The following PM20D2 variants were observed in gnomAD, a reference collection of about 807,000 sequenced individuals.
PM20D2 encodes peptidase M20 domain containing 2.
PM20D2 carries 33 observed loss-of-function variants against 42.9 expected under a neutral mutation model. That is an observed-to-expected ratio of 0.77 (90% CI 0.58 to 1.03). The LOEUF (loss-of-function observed/expected upper bound fraction) is 1.03. Among genes scored for constraint, PM20D2 ranks in the 50% least tolerant of loss-of-function variants. PM20D2 has a pLI of 0.00. For missense variants in PM20D2, 548 were observed against 557.0 expected, an observed-to-expected ratio of 0.98 and a Z score of 0.16; for synonymous variants, 250 against 228.2, an observed-to-expected ratio of 1.10 and a Z score of -0.86.
At chr6:89,149,973 T>C (rs1310582640) in intron 2 of PM20D2, among the ~76,000 whole-genome samples, 1 of 152,226 alleles carries the variant, frequency 6.6e-6, no homozygotes, top group African/African-American at 2.4e-5. Flanking sequence ...CACTTTTTAG[T>C]ACCTAGGAGC....
chr6:89,146,012 T>C, upstream of PM20D2: 1 of 728,758 alleles, frequency 1.4e-6, no homozygotes, highest in South Asian at 4.8e-5. Flanking sequence ...CTGGGGGTGG[T>C]GCCCTGGGAG....
chr6:89,119,728 C>A, the PM20D2 span, among the ~76,000 whole-genome samples: 1 of 152,166 alleles, frequency 6.6e-6, no homozygotes, highest in East Asian at 1.9e-4. Context: ...CTTTGGTGGC[C>A]CCACACATGT....
the PM20D2 span, among the ~76,000 whole-genome samples, chr6:89,121,789 C>T: frequency 6.6e-6 from 1 of 152,128 alleles, no homozygotes; most frequent in Admixed American, 6.6e-5. Flanking sequence ...GTAACTGTTG[C>T]TTCCATTACT....
chr6:89,111,975 T>C, the PM20D2 span, among the ~76,000 whole-genome samples: 34 of 152,362 alleles, frequency 2.2e-4, no homozygotes, highest in African/African-American at 7.9e-4. Flanking sequence ...AGCTACATCT[T>C]GTTTCACCAG....
At chr6:89,101,949 T>A in the PM20D2 span, among the ~76,000 whole-genome samples, 1 of 151,724 alleles carries the variant, frequency 6.6e-6, no homozygotes, top group Non-Finnish European at 1.5e-5. Context: ...TATCAGCAGA[T>A]GTGTACTATA....
chr6:89,162,025 C>A, intron 6 of PM20D2, 84 bp from the exon 7 acceptor site: 2 of 1,524,408 alleles, frequency 1.3e-6, no homozygotes, highest in South Asian at 1.2e-5. Context: ...AGTTGGAGAG[C>A]CAGTTGAGAT....
At chr6:89,117,797 C>T in the PM20D2 span, 1 of 1,542,762 alleles carries the variant, frequency 6.5e-7, no homozygotes, top group Non-Finnish European at 8.7e-7. Flanking sequence ...CCTCCGCGCC[C>T]CCAACCTGCA....
At chr6:89,125,153 A>C in the PM20D2 span, among the ~76,000 whole-genome samples, 1 of 152,268 alleles carries the variant, frequency 6.6e-6, no homozygotes, top group South Asian at 2.1e-4. Flanking sequence ...AGATCAGTTA[A>C]AAGGGTCTTG....
chr6:89,150,448 C>T (rs553605042), intron 2 of PM20D2, among the ~76,000 whole-genome samples: 39 of 149,686 alleles, frequency 2.6e-4, no homozygotes, highest in Non-Finnish European at 5.3e-4. Context: ...GGTTAGGCTT[C>T]GTGGTCTTGG....
the PM20D2 span, chr6:89,107,354 A>C: frequency 1.2e-6 from 1 of 855,984 alleles, no homozygotes; most frequent in Non-Finnish European, 1.9e-6. Flanking sequence ...AAGAAAGAAC[A>C]TCATCTAGAC....
the PM20D2 span, among the ~76,000 whole-genome samples, chr6:89,130,273 T>C: frequency 6.6e-6 from 1 of 151,932 alleles, no homozygotes; most frequent in Admixed American, 6.6e-5. Context: ...TTTATTTTAT[T>C]TCATTAGTAG....
At chr6:89,161,012 T>C (rs145773759) in intron 5 of PM20D2, among the ~76,000 whole-genome samples, 299 of 147,504 alleles carry the variant, frequency 2.0e-3, no homozygotes, top group African/African-American at 7.3e-3. Flanking sequence ...GCAAATAGAG[T>C]AGATGCTGCT....
Position 89,165,470 on chromosome 6 carries a change from GCAAT to G in PM20D2, c.*3210_*3213del, listed in dbSNP as rs1300446043. On this transcript the variant is annotated 3_prime_UTR_variant, in exon 7 of 7. Transcript: ENST00000275072. ...GTATGAAGTTAATATTTTCAAGTAA[GCAAT>G]CAGTCTACTACCATCAGATTATAAG... The G allele has an allele frequency of 4.6e-5, 7 of 152,102 alleles. No homozygotes were observed. The highest frequency in any genetic ancestry group is 1.0e-4 in the Non-Finnish European group (7 of 68,006). 9.4% of individuals were successfully genotyped at this position (152,102 alleles called of 1,614,324 possible).
chr6:89,124,935 A>G, the PM20D2 span, among the ~76,000 whole-genome samples: 14 of 151,648 alleles, frequency 9.2e-5, no homozygotes, highest in African/African-American at 3.1e-4. Context: ...AGGTCTTGCT[A>G]TGTTTCCAGG....
chr6:89,132,589 T>C, the PM20D2 span, among the ~76,000 whole-genome samples: 1 of 151,342 alleles, frequency 6.6e-6, no homozygotes, highest in Non-Finnish European at 1.5e-5. Flanking sequence ...CTCACACTTG[T>C]AATCCCAACA....
rs532345285 is a variant in PM20D2, at chr6:89,158,469, G to A, written c.1048+9G>A. The A allele has an allele frequency of 1.8e-5, 28 of 1,577,570 alleles. No homozygotes were observed. Among genetic ancestry groups the A allele is most frequent in the South Asian group, 4.6e-5 (4 of 87,838 alleles). ...GTTGAATGGCCCTTCAGGTAATTAA[G>A]TGTTTTTTTATATATTGAGCTATTT... On this transcript the variant is annotated intron_variant, in intron 5 of 6. Transcript: ENST00000275072.
At position 89,156,444 on chromosome 6, in the gene PM20D2, A is replaced by G. The variant is rs577168702; in HGVS notation, c.912+1542A>G. On this transcript the variant is annotated intron_variant, in intron 4 of 6. Coordinates refer to ENST00000275072, the MANE Select transcript of PM20D2 (RefSeq NM_001010853.3). ...ATCTTAGGATTCTTGTGAGAATTAA[A>G]TGAGATAATGTTTCTGAAGGGTTTA... Among the ~76,000 whole-genome samples, 218 of 152,340 alleles carry G rather than the reference A, an allele frequency of 1.4e-3. 1 individual carries two copies. Among genetic ancestry groups the G allele is most frequent in the African/African-American group, 5.1e-3 (214 of 41,582 alleles).
chr6:89,111,830 T>C, the PM20D2 span, among the ~76,000 whole-genome samples: 1 of 152,206 alleles, frequency 6.6e-6, no homozygotes, highest in Non-Finnish European at 1.5e-5. Flanking sequence ...ACACGTTTTG[T>C]TGTGTTTTTG....
the PM20D2 span, among the ~76,000 whole-genome samples, chr6:89,127,967 G>A: frequency 3.3e-5 from 5 of 152,116 alleles, no homozygotes; most frequent in African/African-American, 9.7e-5. Flanking sequence ...TGTACATCAC[G>A]TCAGGACCAG....
Sources: allele counts gnomAD v4.1 joint callset (sites outside exome capture counted in the v4.1 genomes callset), GRCh38; gene constraint gnomAD v4.1.1; transcripts MANE v1.5; gene names NCBI Gene and HGNC (gene_info 2026-07-23, HGNC 2026-07-21).